Variants in RTN1 observed in about 807,000 individuals in gnomAD.
The protein encoded by RTN1 is reticulon 1, also known as reticulon-1.
In RTN1, 25 loss-of-function variants were observed where a neutral mutation model predicts 65.5. The ratio of observed to expected loss-of-function variants is 0.38; its 90% CI spans 0.28 to 0.53. The LOEUF (loss-of-function observed/expected upper bound fraction) is 0.53, where lower values mean the gene tolerates loss of function less well. Ranked by LOEUF, RTN1 falls within the 20% of genes least tolerant of loss-of-function variation. The probability of loss-of-function intolerance (pLI) is 0.79; values close to 1 mark genes in which losing one functional copy is unlikely to be tolerated. For missense variants in RTN1, 983 were observed against 1,025.4 expected (o/e 0.96, Z 0.57); for synonymous variants, 471 against 447.6 (o/e 1.05, Z -0.66).
chr14:59,746,630 C>A, intron 1 of RTN1, 149 bp from the exon 2 acceptor site: 2 of 632,858 alleles, frequency 3.2e-6, no homozygotes, highest in East Asian at 2.8e-5. Context: ...CTCAGAGCAC[C>A]AGCATGTTAA....
intron 3 of RTN1, among the ~76,000 whole-genome samples, chr14:59,696,037 T>G (rs1282230911): frequency 6.6e-6 from 1 of 152,178 alleles, no homozygotes; most frequent in Non-Finnish European, 1.5e-5. Context: ...GCCCTCATTT[T>G]ATTCGTGACT....
At chr14:59,605,865 CT>C (rs1175978636) in intron 4 of RTN1, 1 of 166,770 alleles carries the variant, frequency 6.0e-6, no homozygotes, top group African/African-American at 2.4e-5. Context: ...GATAAATTAT[CT>C]TTTTTTAAGT....
In RTN1 at chr14:59,633,487, C is replaced by T. The variant is rs891977221; in HGVS notation, c.1766-25995G>A. On this transcript the variant is annotated intron_variant, in intron 3 of 8. Coordinates refer to ENST00000267484, the MANE Select transcript of RTN1 (RefSeq NM_021136.3). ...ATAATAAGAATTTATTTCCCATAAA[C>T]ATCGTAAATGGGTGCTTTCTTTGCA... is the stretch of plus-strand genomic sequence containing the variant. 2.2e-4 allele frequency among the ~76,000 whole-genome samples: 34 copies of T among 152,344 alleles called. 1 individual carries two copies. Among genetic ancestry groups the T allele is most frequent in the African/African-American group, 7.2e-4 (30 of 41,568 alleles).
intron 3 of RTN1, among the ~76,000 whole-genome samples, chr14:59,716,986 CAA>C (rs67370818): frequency 5.0e-5 from 6 of 119,614 alleles, no homozygotes; most frequent in African/African-American, 2.6e-5. Context: ...AACAAACAAA[CAA>C]AAAAAAAAAA....
In RTN1 at chr14:59,672,187, G is replaced by T. The variant is rs79639433; in HGVS notation, c.1765+54732C>A. Among the ~76,000 whole-genome samples the T allele has an allele frequency of 6.7e-3, 1,018 of 152,178 alleles. 11 individuals carry two copies. The highest frequency in any genetic ancestry group is 0.023 in the African/African-American group (974 of 41,532). On this transcript the variant is annotated intron_variant, in intron 3 of 8. Coordinates refer to ENST00000267484, the MANE Select transcript of RTN1 (RefSeq NM_021136.3). ...ATTTGACCTCTTTGAGCTCAGGTTT[G>T]TCACCAGGAAAAATGAGACACTTGC...
intron 1 of RTN1, among the ~76,000 whole-genome samples, chr14:59,761,714 G>A (rs1203861309): frequency 6.6e-6 from 1 of 152,150 alleles, no homozygotes; most frequent in Non-Finnish European, 1.5e-5. Context: ...GAAATTTATG[G>A]CCACACAGCA....
Position 59,712,723 on chromosome 14 carries a change from G to C in RTN1, c.1765+14196C>G, listed in dbSNP as rs1333197685. 3.9e-5 allele frequency among the ~76,000 whole-genome samples: 6 copies of C among 151,994 alleles called. No homozygotes were observed. The East Asian group carries it at 1.2e-3, about 29-fold the overall frequency. ...GGTCAGGAGTTTGAGACCAGCCTGG[G>C]CAACATGGTGAAACCCTGTCTCTAC... On this transcript the variant is annotated intron_variant, in intron 3 of 8. Transcript: ENST00000267484.
At chr14:59,602,328 T>A (rs1277291593) in intron 8 of RTN1, among the ~76,000 whole-genome samples, 1 of 152,188 alleles carries the variant, frequency 6.6e-6, no homozygotes, top group African/African-American at 2.4e-5. Context: ...TTAGGCTAGC[T>A]TTTTAATAAA....
At chr14:59,724,784 G>C (rs984566198) in intron 3 of RTN1, among the ~76,000 whole-genome samples, 2 of 151,456 alleles carry the variant, frequency 1.3e-5, no homozygotes, top group African/African-American at 4.8e-5. Flanking sequence ...CTCACCTGCT[G>C]AGACAGAGCA....
At chr14:59,731,409 T>G (rs1884894183) in intron 2 of RTN1, among the ~76,000 whole-genome samples, 1 of 152,192 alleles carries the variant, frequency 6.6e-6, no homozygotes, top group African/African-American at 2.4e-5. Context: ...CTCTAAAATT[T>G]ATTGCAGTGA....
intron 3 of RTN1, among the ~76,000 whole-genome samples, chr14:59,644,620 G>A (rs947647172): frequency 6.6e-6 from 1 of 152,216 alleles, no homozygotes; most frequent in Non-Finnish European, 1.5e-5. Context: ...CCAGGGGACT[G>A]AGCAGTGACA....
intron 1 of RTN1, among the ~76,000 whole-genome samples, chr14:59,866,594 A>G (rs936096101): frequency 6.6e-6 from 1 of 152,180 alleles, no homozygotes; most frequent in Admixed American, 6.5e-5. Flanking sequence ...CATATATTGT[A>G]CTTACTTCCA....
intron 1 of RTN1, among the ~76,000 whole-genome samples, chr14:59,783,651 A>C (rs966669370): frequency 6.6e-6 from 1 of 152,184 alleles, no homozygotes; most frequent in African/African-American, 2.4e-5. Flanking sequence ...GATGCAATGG[A>C]AATAGTGAGA....
At chr14:59,735,843 TC>T (rs1415623465) in intron 2 of RTN1, among the ~76,000 whole-genome samples, 9 of 151,940 alleles carry the variant, frequency 5.9e-5, no homozygotes, top group Admixed American at 3.3e-4. Flanking sequence ...ACAAACAGTC[TC>T]TCAGACCACA....
chr14:59,808,843 C>T (rs903211037), intron 1 of RTN1, among the ~76,000 whole-genome samples: 2 of 152,114 alleles, frequency 1.3e-5, no homozygotes, highest in African/African-American at 4.8e-5. Context: ...CTGCTCCCAC[C>T]ATGTGAGAGG....
At chr14:59,742,048 T>G (rs1343444361) in intron 2 of RTN1, among the ~76,000 whole-genome samples, 2 of 152,220 alleles carry the variant, frequency 1.3e-5, no homozygotes, top group Non-Finnish European at 2.9e-5. Context: ...TCTTATTTAC[T>G]ACAAGGTCTC....
chr14:59,777,827 A>C (rs907361722), intron 1 of RTN1, among the ~76,000 whole-genome samples: 111 of 85,134 alleles, frequency 1.3e-3, no homozygotes, highest in Admixed American at 2.2e-3. Flanking sequence ...AACAACAAAA[A>C]AAAAAAACAA....
chr14:59,682,515 T>C (rs2182139), intron 3 of RTN1, among the ~76,000 whole-genome samples: 117,797 of 152,104 alleles, frequency 0.77, 46,202 homozygotes, highest in African/African-American at 0.89. Flanking sequence ...TCTTTGTATC[T>C]CCCAGCTTCT....
chr14:59,603,546 C>A (rs1881646354), intron 6 of RTN1, among the ~76,000 whole-genome samples: 1 of 151,462 alleles, frequency 6.6e-6, no homozygotes, highest in Non-Finnish European at 1.5e-5. Flanking sequence ...ATGAATCCAT[C>A]CATAGCTGCC....
Sources: gnomAD v4.1 joint callset for allele counts (sites outside exome capture counted in the v4.1 genomes callset) on GRCh38, gnomAD v4.1.1 for gene constraint, MANE v1.5 for transcripts, NCBI Gene and HGNC (gene_info 2026-07-23, HGNC 2026-07-21) for gene names.